NCAM2: variants seen among roughly 807,000 people sequenced by gnomAD.
NCAM2 encodes the protein neural cell adhesion molecule 2.
A neutral mutation model predicts 98.1 loss-of-function variants in NCAM2; 30 were observed. The observed-to-expected ratio is 0.31, with a 90% CI of 0.23 to 0.41. The LOEUF (loss-of-function observed/expected upper bound fraction) is 0.41, where lower values mean the gene tolerates loss of function less well. NCAM2 is among the 10% of genes least tolerant of loss of function. NCAM2 has a pLI of 1.00. For missense variants in NCAM2, 867 were observed against 1,005.8 expected, an observed-to-expected ratio of 0.86 and a Z score of 1.87; for synonymous variants, 368 against 342.4, an observed-to-expected ratio of 1.07 and a Z score of -0.83.
intron 1 of NCAM2, among the ~76,000 whole-genome samples, chr21:21,034,172 A>G (rs2064751709): frequency 6.6e-6 from 1 of 152,132 alleles, no homozygotes; most frequent in African/African-American, 2.4e-5. Flanking sequence ...GCTATGTCTC[A>G]TTCTTGGAGT....
rs2075789439 is a variant in NCAM2 at position 21,366,483 on chromosome 21, G to A, written c.1045-7380G>A. On this transcript the variant is annotated intron_variant, in intron 8 of 17. Coordinates refer to ENST00000400546, the MANE Select transcript of NCAM2 (RefSeq NM_004540.5). ...GATTAAAGCAACCAGCACTAAATGA[G>A]TGCATTAGTCCACTTGTGCTGTCAT... 3.9e-5 allele frequency among the ~76,000 whole-genome samples: 6 copies of A among 152,160 alleles called. 1 individual carries two copies. The South Asian group carries it at 1.2e-3, about 32-fold the overall frequency.
chr21:21,452,971 T>TATATTATATATTATATTATATATTA (rs1569079661), intron 12 of NCAM2, among the ~76,000 whole-genome samples: 3 of 32,138 alleles, frequency 9.3e-5, no homozygotes, highest in Non-Finnish European at 1.5e-4. Context: ...ATATTATATA[T>TATATTATATATTATATTATATATTA]TATTATATAT....
chr21:21,343,768 T>C (rs1213224669), intron 8 of NCAM2, among the ~76,000 whole-genome samples: 1 of 152,176 alleles, frequency 6.6e-6, no homozygotes, highest in Non-Finnish European at 1.5e-5. Context: ...CAAAGTGCTC[T>C]GTGTCTCCCA....
chr21:21,194,138 A>C (rs2068923110), intron 1 of NCAM2, among the ~76,000 whole-genome samples: 1 of 152,228 alleles, frequency 6.6e-6, no homozygotes, highest in Non-Finnish European at 1.5e-5. Context: ...TATACATGGA[A>C]TACAATGTAC....
At chr21:21,206,532 A>G (rs2069444121) in intron 1 of NCAM2, among the ~76,000 whole-genome samples, 2 of 152,150 alleles carry the variant, frequency 1.3e-5, no homozygotes, top group African/African-American at 4.8e-5. Flanking sequence ...TTGAACATTT[A>G]ATGGCATCAC....
At chr21:21,504,614 G>C (rs924868896) in intron 15 of NCAM2, among the ~76,000 whole-genome samples, 7 of 151,702 alleles carry the variant, frequency 4.6e-5, no homozygotes, top group South Asian at 4.1e-4. Flanking sequence ...AAATTGGTGA[G>C]AGAAAATAAT....
chr21:21,468,325 A>G (rs1406622241), intron 13 of NCAM2, among the ~76,000 whole-genome samples: 1 of 152,056 alleles, frequency 6.6e-6, no homozygotes, highest in African/African-American at 2.4e-5. Context: ...AATTTACATT[A>G]AGAAAATAAA....
At chr21:21,159,158 G>T (rs1378321973) in intron 1 of NCAM2, among the ~76,000 whole-genome samples, 2 of 152,096 alleles carry the variant, frequency 1.3e-5, no homozygotes, top group Non-Finnish European at 2.9e-5. Context: ...AGAAAAATTT[G>T]TGAGGATATA....
At chr21:21,441,198 C>G (rs118093860) in intron 12 of NCAM2, among the ~76,000 whole-genome samples, 2,344 of 152,196 alleles carry the variant, frequency 0.015, 24 homozygotes, top group Non-Finnish European at 0.025. Context: ...ATACATGTTT[C>G]ATGTCTACAA....
chr21:21,176,282 C>T (rs2068287479), intron 1 of NCAM2, among the ~76,000 whole-genome samples: 1 of 152,094 alleles, frequency 6.6e-6, no homozygotes, highest in Non-Finnish European at 1.5e-5. Context: ...AACACAATGC[C>T]ATTTCCAATG....
chr21:21,166,552 C>G (rs1428707199), intron 1 of NCAM2, among the ~76,000 whole-genome samples: 4 of 152,108 alleles, frequency 2.6e-5, no homozygotes, highest in Non-Finnish European at 2.9e-5. Flanking sequence ...AAGTTGTATA[C>G]CATCATATTC....
At chr21:21,045,328 T>C (rs566847277) in intron 1 of NCAM2, among the ~76,000 whole-genome samples, 4 of 152,242 alleles carry the variant, frequency 2.6e-5, no homozygotes, top group South Asian at 2.1e-4. Flanking sequence ...AAAGTTGATA[T>C]GCAATTCCTG....
chr21:21,346,198 C>A (rs2075182149), intron 8 of NCAM2, among the ~76,000 whole-genome samples: 7 of 107,408 alleles, frequency 6.5e-5, no homozygotes, highest in African/African-American at 1.9e-4. Flanking sequence ...TATTCCATGC[C>A]AACTGAAACC....
chr21:21,477,147 A>G (rs1985273945), intron 14 of NCAM2, 144 bp from the exon 15 acceptor site: 2 of 503,246 alleles, frequency 4.0e-6, no homozygotes, highest in East Asian at 3.3e-5. Context: ...TCATTGACAC[A>G]GCAACTTCAT....
rs1210604902 is a variant in NCAM2, at chr21:21,280,663, C to T, written c.130+11C>T. The T allele has an allele frequency of 2.7e-6, 4 of 1,467,760 alleles. No homozygotes were observed. Among genetic ancestry groups the T allele is most frequent in the Non-Finnish European group, 3.7e-6 (4 of 1,084,402 alleles). The allele number at this position is 1,467,760 out of a possible 1,614,324, so 90.9% of individuals were successfully genotyped here. Reference sequence around the variant, plus strand: ...TCTTCACATGTACAGGTACGTATTTCTGTAAATACCTTCAGATAACGTGGT... The same window carrying T: ...TCTTCACATGTACAGGTACGTATTTTTGTAAATACCTTCAGATAACGTGGT... On this transcript the variant is annotated intron_variant, in intron 2 of 17. Transcript: ENST00000400546.
chr21:21,271,314 A>G (rs977895736), intron 1 of NCAM2, among the ~76,000 whole-genome samples: 1 of 152,218 alleles, frequency 6.6e-6, no homozygotes, highest in African/African-American at 2.4e-5. Flanking sequence ...ATAAGGCAAG[A>G]CATTGTCACT....
intron 15 of NCAM2, among the ~76,000 whole-genome samples, chr21:21,487,943 T>C (rs924558536): frequency 2.0e-5 from 3 of 152,166 alleles, no homozygotes; most frequent in Non-Finnish European, 4.4e-5. Flanking sequence ...ACGGACTAAG[T>C]TTAATTTTAT....
chr21:21,328,692 G>T (rs2074588476), intron 6 of NCAM2, among the ~76,000 whole-genome samples: 2 of 151,862 alleles, frequency 1.3e-5, no homozygotes, highest in Non-Finnish European at 2.9e-5. Context: ...TGTACTTTGA[G>T]CTGTTATTAA....
intron 15 of NCAM2, among the ~76,000 whole-genome samples, chr21:21,494,557 A>T (rs1163243498): frequency 6.6e-6 from 1 of 151,202 alleles, no homozygotes; most frequent in African/African-American, 2.5e-5. Context: ...CATCAAAGTC[A>T]ACCAGAAATA....
Sources: gnomAD v4.1 joint callset for allele counts (sites outside exome capture counted in the v4.1 genomes callset) on GRCh38, gnomAD v4.1.1 for gene constraint, MANE v1.5 for transcripts, NCBI Gene and HGNC (gene_info 2026-07-23, HGNC 2026-07-21) for gene names.